Variants in NIPSNAP3B observed in about 807,000 individuals in gnomAD.
The protein encoded by NIPSNAP3B is protein NipSnap homolog 3B.
Under a neutral mutation model 31.5 loss-of-function variants are expected in NIPSNAP3B, and 30 were observed. The ratio of observed to expected loss-of-function variants is 0.95; its 90% CI spans 0.71 to 1.29. NIPSNAP3B has a LOEUF of 1.29. NIPSNAP3B is among the 50% of genes most tolerant of loss of function. The probability of loss-of-function intolerance (pLI) is 0.00; values close to 1 mark genes in which losing one functional copy is unlikely to be tolerated. For synonymous variants in NIPSNAP3B, 106 were observed against 107.9 expected, an observed-to-expected ratio of 0.98 and a Z score of 0.11; for missense variants, 269 against 300.7, an observed-to-expected ratio of 0.89 and a Z score of 0.78.
At position 104,774,856 on chromosome 9, in the gene NIPSNAP3B, T is replaced by G. The variant is rs1472296255; in HGVS notation, c.*1783T>G. ...GTATTTTTCTCTATTTTATTCATTC[T>G]TTCATTCTCTTCGATGACTCCCAGC... On this transcript the variant is annotated 3_prime_UTR_variant, in exon 6 of 6. Transcript: ENST00000374762. 6.6e-6 allele frequency among the ~76,000 whole-genome samples: 1 copy of G among 152,210 alleles called. No homozygotes were observed. Among genetic ancestry groups the G allele is most frequent in the African/African-American group, 2.4e-5 (1 of 41,444 alleles).
chr9:104,771,200 T>G, intron 4 of NIPSNAP3B: 2 of 472,144 alleles, frequency 4.2e-6, no homozygotes, highest in Non-Finnish European at 7.5e-6. Flanking sequence ...TTTCAAATGC[T>G]GAACTGGTGT....
chr9:104,788,539 G>A, the NIPSNAP3B span: 4 of 1,614,188 alleles, frequency 2.5e-6, no homozygotes, highest in Non-Finnish European at 3.4e-6. Flanking sequence ...CCCATGTTCT[G>A]ATGTACTTCA....
the NIPSNAP3B span, chr9:104,785,496 G>A: frequency 3.5e-5 from 55 of 1,577,838 alleles, no homozygotes; most frequent in African/African-American, 7.1e-4. Context: ...AGATAATGAA[G>A]ATGGAAGCTG....
At chr9:104,784,593 G>A in the NIPSNAP3B span, 1 of 1,023,338 alleles carries the variant, frequency 9.8e-7, no homozygotes, top group Non-Finnish European at 1.5e-6. Context: ...CTAGAAAACT[G>A]TGTGTGAAGG....
the NIPSNAP3B span, among the ~76,000 whole-genome samples, chr9:104,790,702 C>A: frequency 6.6e-6 from 1 of 152,012 alleles, no homozygotes; most frequent in Non-Finnish European, 1.5e-5. Flanking sequence ...CTGAATAAAG[C>A]TGTTAAAAGA....
At chr9:104,785,693 G>T in the NIPSNAP3B span, 2 of 1,608,626 alleles carry the variant, frequency 1.2e-6, no homozygotes. Context: ...CTATTTAAAA[G>T]AATACTGAAC....
At chr9:104,788,742 C>G in the NIPSNAP3B span, among the ~76,000 whole-genome samples, 1 of 152,208 alleles carries the variant, frequency 6.6e-6, no homozygotes, top group Non-Finnish European at 1.5e-5. Context: ...TCCTGGCAGG[C>G]AGGGTTCCTG....
At chr9:104,780,525 C>T (rs775534660), downstream of NIPSNAP3B, among the ~76,000 whole-genome samples, 1 of 152,184 alleles carries the variant, frequency 6.6e-6, no homozygotes, top group Non-Finnish European at 1.5e-5. Context: ...AAGGAATCAC[C>T]GATATTAGTA....
the NIPSNAP3B span, chr9:104,783,536 A>C: frequency 6.6e-6 from 1 of 152,214 alleles, no homozygotes; most frequent in Non-Finnish European, 1.5e-5. Context: ...ATCTAAGTAT[A>C]TTTAAGAGTC....
intron 2 of NIPSNAP3B, among the ~76,000 whole-genome samples, chr9:104,768,595 C>G (rs1004460779): frequency 2.0e-5 from 3 of 152,092 alleles, no homozygotes; most frequent in African/African-American, 7.2e-5. Context: ...AATAACGAAC[C>G]TAATTCACAC....
At chr9:104,784,421 T>A in the NIPSNAP3B span, 3 of 1,614,150 alleles carry the variant, frequency 1.9e-6, no homozygotes, top group Non-Finnish European at 1.7e-6. Context: ...TAAGTGGTCA[T>A]CATCACTTTG....
chr9:104,769,082 A>G, intron 3 of NIPSNAP3B, 61 bp downstream of exon 3: 1 of 1,247,640 alleles, frequency 8.0e-7, no homozygotes, highest in South Asian at 1.6e-5. Context: ...ACCTAAAGTT[A>G]TAAAGAGTAA....
At chr9:104,788,462 G>A in the NIPSNAP3B span, 7 of 1,614,102 alleles carry the variant, frequency 4.3e-6, no homozygotes, top group South Asian at 1.1e-5. Context: ...CTCTCAAAAG[G>A]GCAAAGAACT....
the NIPSNAP3B span, chr9:104,786,387 C>T: frequency 6.2e-7 from 1 of 1,613,976 alleles, no homozygotes; most frequent in Non-Finnish European, 8.5e-7. Context: ...CACATTCTTC[C>T]ATACTGCGGT....
Position 104,766,383 on chromosome 9 carries a change from G to T in NIPSNAP3B, c.119G>T (p.Arg40Leu). Residue 40 changes from arginine to leucine, a missense_variant, in exon 2 of 6, where the codon CGT (arginine) becomes CTT (leucine). Arg to Leu is a moderately radical substitution (Grantham distance 102). Transcript: ENST00000374762. ...TACGATGGAACGTTCTATGAATTTCGTACTTATTACCTTAAACCTTCAAAT... is the reference window on the plus strand; with the variant it reads ...TACGATGGAACGTTCTATGAATTTCTTACTTATTACCTTAAACCTTCAAAT... ...RQYDGTFYEF[R>L]TYYLKPSNMN... The T allele has an allele frequency of 1.2e-6, 2 of 1,613,626 alleles. No individual in the cohort carries two copies. The highest frequency in any genetic ancestry group is 1.7e-6 in the Non-Finnish European group (2 of 1,179,682).
At chr9:104,779,031 G>T (rs775860396), downstream of NIPSNAP3B, among the ~76,000 whole-genome samples, 5 of 152,068 alleles carry the variant, frequency 3.3e-5, no homozygotes, top group Non-Finnish European at 4.4e-5. Context: ...TACCACCTCA[G>T]CTTGCCAAGC....
chr9:104,768,623 T>G (rs1325932416), intron 2 of NIPSNAP3B, among the ~76,000 whole-genome samples: 1 of 152,188 alleles, frequency 6.6e-6, no homozygotes, highest in Non-Finnish European at 1.5e-5. Context: ...TAAGAAAGTC[T>G]TAGAGCCTAT....
chr9:104,764,488 G>T (rs10820725), intron 1 of NIPSNAP3B, among the ~76,000 whole-genome samples, 188 bp downstream of exon 1: 22,834 of 152,254 alleles, frequency 0.15, 2,159 homozygotes, highest in East Asian at 0.28. Flanking sequence ...GGGTCGTCTC[G>T]CTGGCAGTCG....
chr9:104,787,010 G>A, the NIPSNAP3B span: 34,481 of 1,560,760 alleles, frequency 0.022, 687 homozygotes, highest in African/African-American at 0.097. Context: ...TTATTTGCTG[G>A]GGGGAAAAAA....
Sources: gnomAD v4.1 joint callset for allele counts (sites outside exome capture counted in the v4.1 genomes callset) on GRCh38, gnomAD v4.1.1 for gene constraint, MANE v1.5 for transcripts, NCBI Gene and HGNC (gene_info 2026-07-23, HGNC 2026-07-21) for gene names.